CSRP3: variants seen among roughly 807,000 people sequenced by gnomAD.
The protein encoded by CSRP3 is cysteine and glycine-rich protein 3.
Under a neutral mutation model 24.3 loss-of-function variants are expected in CSRP3, and 24 were observed. That is an observed-to-expected ratio of 0.99 (90% CI 0.71 to 1.39). The LOEUF (loss-of-function observed/expected upper bound fraction) is 1.39, where lower values mean the gene tolerates loss of function less well. Ranked by LOEUF, CSRP3 falls within the 40% of genes most tolerant of loss-of-function variation. The probability of loss-of-function intolerance (pLI) is 0.00; values close to 1 mark genes in which losing one functional copy is unlikely to be tolerated. For missense variants in CSRP3, 240 were observed against 249.0 expected (o/e 0.96, Z 0.24); for synonymous variants, 105 against 94.0 (o/e 1.12, Z -0.68).
chr11:19,198,153 T>A (rs1279406256), intron 1 of CSRP3, among the ~76,000 whole-genome samples: 1 of 152,284 alleles, frequency 6.6e-6, no homozygotes, highest in East Asian at 1.9e-4. Flanking sequence ...CCAGAGCAAA[T>A]TTTATTTCCA....
intron 3 of CSRP3, among the ~76,000 whole-genome samples, chr11:19,186,940 G>A (rs1850536463): frequency 6.6e-6 from 1 of 152,182 alleles, no homozygotes; most frequent in African/African-American, 2.4e-5. Flanking sequence ...GTATCTTTTG[G>A]TGTTTGCTTG....
chr11:19,188,380 C>T (rs1017097944), intron 2 of CSRP3, 76 bp from the exon 3 acceptor site: 30 of 1,532,762 alleles, frequency 2.0e-5, no homozygotes, highest in African/African-American at 1.9e-4. Context: ...ATGCCATGCT[C>T]GGGGCCAGAG....
chr11:19,200,465 C>T (rs937637785), intron 1 of CSRP3, among the ~76,000 whole-genome samples: 1 of 152,116 alleles, frequency 6.6e-6, no homozygotes. Flanking sequence ...TTCCTCTCTT[C>T]CTCCCTTCCT....
chr11:19,190,423 A>G (rs1850595659), intron 2 of CSRP3, among the ~76,000 whole-genome samples: 1 of 152,246 alleles, frequency 6.6e-6, no homozygotes, highest in Non-Finnish European at 1.5e-5. Flanking sequence ...TATCCCACTG[A>G]TCATTTGTAT....
intron 1 of CSRP3, among the ~76,000 whole-genome samples, chr11:19,195,464 A>C (rs557931566): frequency 1.3e-5 from 2 of 152,322 alleles, no homozygotes; most frequent in African/African-American, 4.8e-5. Context: ...GCTCATGTTC[A>C]TTTTGATCCT....
chr11:19,189,167 G>C (rs530687861), intron 2 of CSRP3, among the ~76,000 whole-genome samples: 5 of 152,070 alleles, frequency 3.3e-5, no homozygotes, highest in Non-Finnish European at 7.4e-5. Context: ...CTTCAACATC[G>C]GCATCTCCCT....
At chr11:19,191,099 C>T (rs1850606423) in intron 2 of CSRP3, among the ~76,000 whole-genome samples, 1 of 152,150 alleles carries the variant, frequency 6.6e-6, no homozygotes, top group Admixed American at 6.5e-5. Context: ...TTGTAACAAC[C>T]TGTGCAGTAG....
chr11:19,196,561 T>C (rs959662712), intron 1 of CSRP3, among the ~76,000 whole-genome samples: 1 of 152,220 alleles, frequency 6.6e-6, no homozygotes, highest in Non-Finnish European at 1.5e-5. Flanking sequence ...TTGGAATTCT[T>C]GTGTCCCAAC....
intron 1 of CSRP3, among the ~76,000 whole-genome samples, chr11:19,197,169 C>A (rs10833073): frequency 0.49 from 73,885 of 151,904 alleles, 20,503 homozygotes; most frequent in Non-Finnish European, 0.63. Context: ...GCTGAGAGGA[C>A]CCTATTAGTT....
In CSRP3 at chr11:19,185,037, G is replaced by C; in HGVS notation, c.423C>G (p.His141Gln). ...AGATGGCACAGCGGAAACAGGTCTT[G>C]TGCCAAGGCTGAGGGGCACAGAAAA... ...EKVMGGGKPW[H>Q]KTCFRCAICG... Residue 141 changes from histidine to glutamine, a missense_variant, in exon 5 of 6, where the codon CAC (histidine) becomes CAG (glutamine). Coordinates refer to ENST00000265968, the MANE Select transcript of CSRP3 (RefSeq NM_003476.5). The C allele has an allele frequency of 6.2e-7, 1 of 1,613,964 alleles. No homozygotes were observed. The highest frequency in any genetic ancestry group is 8.5e-7 in the Non-Finnish European group (1 of 1,179,774).
intron 1 of CSRP3, among the ~76,000 whole-genome samples, chr11:19,197,501 C>CTTTCTT (rs1554968682): frequency 1.5e-5 from 1 of 67,068 alleles, no homozygotes; most frequent in African/African-American, 5.5e-5. Context: ...CCCTCTTTTC[C>CTTTCTT]TCTTTCTTTC....
chr11:19,197,507 CT>C (rs1449137678), intron 1 of CSRP3, among the ~76,000 whole-genome samples: 2 of 82,818 alleles, frequency 2.4e-5, no homozygotes, highest in Non-Finnish European at 2.5e-5. Context: ...TTTCCTCTTT[CT>C]TTCTTTCTTT....
At chr11:19,193,474 G>T (rs1850647804) in intron 1 of CSRP3, among the ~76,000 whole-genome samples, 1 of 152,086 alleles carries the variant, frequency 6.6e-6, no homozygotes, top group Admixed American at 6.5e-5. Context: ...CTCACCACAG[G>T]ATTACATTTA....
chr11:19,190,916 A>G (rs7106581), intron 2 of CSRP3, among the ~76,000 whole-genome samples: 24,593 of 152,252 alleles, frequency 0.16, 2,420 homozygotes, highest in South Asian at 0.3. Context: ...AATCTCTTCT[A>G]CTATAACTCC....
intron 1 of CSRP3, chr11:19,196,735 T>G (rs1015988715): frequency 3.9e-5 from 6 of 152,158 alleles, no homozygotes; most frequent in African/African-American, 1.4e-4. Flanking sequence ...GGTCACAATC[T>G]CCATCATACC....
intron 1 of CSRP3, among the ~76,000 whole-genome samples, chr11:19,198,749 T>A (rs1337641242): frequency 6.6e-6 from 1 of 152,178 alleles, no homozygotes; most frequent in African/African-American, 2.4e-5. Context: ...GAACCAAGCT[T>A]AAGTTCAGAA....
intron 2 of CSRP3, among the ~76,000 whole-genome samples, chr11:19,191,996 C>A (rs7933460): frequency 6.6e-6 from 1 of 152,146 alleles, no homozygotes; most frequent in Non-Finnish European, 1.5e-5. Context: ...TAAGTGCTGG[C>A]TTCCTTTCTC....
At chr11:19,201,134 A>G (rs1385879401) in intron 1 of CSRP3, among the ~76,000 whole-genome samples, 1 of 150,774 alleles carries the variant, frequency 6.6e-6, no homozygotes, top group Admixed American at 6.6e-5. Context: ...TCTGTCATTC[A>G]CTGGGATATT....
Position 19,192,483 on chromosome 11 carries a change from G to A in CSRP3, c.-28-7C>T, listed in dbSNP as rs1281070582. The A allele has an allele frequency of 6.5e-7, 1 of 1,548,238 alleles. No individual in the cohort carries two copies. Among genetic ancestry groups the A allele is most frequent in the Middle Eastern group, 1.7e-4 (1 of 5,952 alleles). ...TATCTGGTCAAGGTCAAGTCTAAGG[G>A]GACATAAAGCAAATACCCTACATTG... On this transcript the variant is annotated splice_polypyrimidine_tract_variant and splice_region_variant and intron_variant, in intron 1 of 5. Transcript: ENST00000265968.
Sources: gnomAD v4.1 joint callset for allele counts (sites outside exome capture counted in the v4.1 genomes callset) on GRCh38, gnomAD v4.1.1 for gene constraint, MANE v1.5 for transcripts, NCBI Gene and HGNC (gene_info 2026-07-23, HGNC 2026-07-21) for gene names.